PTPRD: variants seen among roughly 807,000 people sequenced by gnomAD.
PTPRD encodes the protein receptor-type tyrosine-protein phosphatase delta.
In PTPRD, 34 loss-of-function variants were observed where a neutral mutation model predicts 214.5. That is an observed-to-expected ratio of 0.16 (90% CI 0.12 to 0.21). PTPRD has a LOEUF of 0.21. Ranked by LOEUF, PTPRD falls within the 10% of genes least tolerant of loss-of-function variation. The probability of loss-of-function intolerance (pLI) is 1.00; values close to 1 mark genes in which losing one functional copy is unlikely to be tolerated. For synonymous variants in PTPRD, 1,128 were observed against 845.7 expected, an observed-to-expected ratio of 1.33 and a Z score of -5.79; for missense variants, 2,545 against 2,398.7, an observed-to-expected ratio of 1.06 and a Z score of -1.27.
intron 11 of PTPRD, among the ~76,000 whole-genome samples, chr9:8,961,210 C>T (rs939810827): frequency 5.9e-5 from 9 of 152,134 alleles, no homozygotes; most frequent in African/African-American, 1.2e-4. Context: ...TTTATGACTG[C>T]GAGCTTTCCA....
At chr9:9,871,438 C>A (rs1043304625) in intron 5 of PTPRD, among the ~76,000 whole-genome samples, 2 of 152,176 alleles carry the variant, frequency 1.3e-5, no homozygotes, top group African/African-American at 4.8e-5. Context: ...ACTGCAATAT[C>A]CTCTCTGGTT....
At chr9:9,348,362 T>A (rs1203099934) in intron 9 of PTPRD, among the ~76,000 whole-genome samples, 1 of 152,158 alleles carries the variant, frequency 6.6e-6, no homozygotes, top group African/African-American at 2.4e-5. Flanking sequence ...CTCCAACATT[T>A]ATTTTCAATA....
intron 11 of PTPRD, among the ~76,000 whole-genome samples, chr9:8,738,349 T>C (rs2091008762): frequency 6.6e-6 from 1 of 150,604 alleles, no homozygotes; most frequent in Non-Finnish European, 1.5e-5. Context: ...ATATGAATGT[T>C]GAAGGATTTG....
chr9:8,702,641 T>C (rs915500547), intron 12 of PTPRD, among the ~76,000 whole-genome samples: 2 of 152,102 alleles, frequency 1.3e-5, no homozygotes, highest in African/African-American at 2.4e-5. Context: ...TTAGACAGAG[T>C]CTTGCTATGT....
At chr9:10,467,878 G>A (rs1249956717) in intron 2 of PTPRD, among the ~76,000 whole-genome samples, 1 of 151,936 alleles carries the variant, frequency 6.6e-6, no homozygotes, top group Admixed American at 6.6e-5. Context: ...CATTTATTTG[G>A]CCAGCTAACA....
intron 11 of PTPRD, among the ~76,000 whole-genome samples, chr9:9,014,801 T>C (rs553733491): frequency 5.8e-4 from 88 of 152,186 alleles, no homozygotes; most frequent in Non-Finnish European, 1.1e-3. Flanking sequence ...GGGTAGATTA[T>C]ACATTGACAC....
intron 34 of PTPRD, among the ~76,000 whole-genome samples, chr9:8,441,166 C>T (rs191674172): frequency 3.3e-5 from 5 of 152,174 alleles, no homozygotes; most frequent in Admixed American, 2.6e-4. Context: ...AGCAGGTTTC[C>T]AGGGCTGGCT....
chr9:8,984,256 A>G (rs1028067283), intron 11 of PTPRD, among the ~76,000 whole-genome samples: 4 of 152,088 alleles, frequency 2.6e-5, no homozygotes, highest in Non-Finnish European at 5.9e-5. Context: ...AACATTTTAT[A>G]AATTTTTAGT....
chr9:8,905,752 A>T (rs2154255617), intron 11 of PTPRD, among the ~76,000 whole-genome samples: 1 of 151,924 alleles, frequency 6.6e-6, no homozygotes, highest in South Asian at 2.1e-4. Context: ...AAAAAAAAAA[A>T]AAATGGAGAG....
At chr9:8,545,264 T>A (rs2079732963) in intron 14 of PTPRD, among the ~76,000 whole-genome samples, 1 of 152,206 alleles carries the variant, frequency 6.6e-6, no homozygotes, top group East Asian at 1.9e-4. Context: ...TTGACAAAGA[T>A]AATATTGTTT....
chr9:8,978,503 T>G (rs985972945), intron 11 of PTPRD, among the ~76,000 whole-genome samples: 2 of 152,118 alleles, frequency 1.3e-5, no homozygotes, highest in African/African-American at 4.8e-5. Flanking sequence ...GGTGCCTCTA[T>G]GCAAAATTGA....
At chr9:10,501,333 T>C (rs1470880484) in intron 2 of PTPRD, among the ~76,000 whole-genome samples, 1 of 152,018 alleles carries the variant, frequency 6.6e-6, no homozygotes, top group African/African-American at 2.4e-5. Flanking sequence ...GCCATTTGTA[T>C]TTTTTAGTTT....
chr9:8,461,044 C>G (rs1443897448), intron 32 of PTPRD, among the ~76,000 whole-genome samples: 1 of 151,988 alleles, frequency 6.6e-6, no homozygotes, highest in African/African-American at 2.4e-5. Context: ...CAAAATAAGT[C>G]AGTATTTAAT....
rs868705581 is a variant in PTPRD, at chr9:9,809,946, C to T, written c.-367-43095G>A. Among the ~76,000 whole-genome samples, 7 of 152,078 alleles carry T rather than the reference C, an allele frequency of 4.6e-5. No individual in the cohort carries two copies. In the Middle Eastern group the frequency reaches 0.017, roughly 369 times the overall value. ...TAAATTCAATAACAGAGTTGAAGTA[C>T]ACTTGGCCCACATGGGTTTGAACTG... On this transcript the variant is annotated intron_variant, in intron 5 of 45. Transcript: ENST00000381196.
At chr9:8,990,649 ATAT>A (rs1051142085) in intron 11 of PTPRD, among the ~76,000 whole-genome samples, 1 of 152,120 alleles carries the variant, frequency 6.6e-6, no homozygotes, top group African/African-American at 2.4e-5. Flanking sequence ...AAAACTAAAA[ATAT>A]TATTCTCGCC....
intron 5 of PTPRD, among the ~76,000 whole-genome samples, chr9:9,928,757 TACACACACAC>T (rs60820386): frequency 2.0e-5 from 3 of 147,226 alleles, no homozygotes; most frequent in East Asian, 2.0e-4. Context: ...TCTCTCTCTA[TACACACACAC>T]ACACACACAC....
chr9:9,253,914 C>T (rs967268747), intron 9 of PTPRD, among the ~76,000 whole-genome samples: 2 of 152,064 alleles, frequency 1.3e-5, no homozygotes, highest in African/African-American at 4.8e-5. Flanking sequence ...GGAGAGTTTG[C>T]TCTGTGCCTA....
At chr9:9,375,290 G>A (rs916414869) in intron 9 of PTPRD, among the ~76,000 whole-genome samples, 1 of 152,100 alleles carries the variant, frequency 6.6e-6, no homozygotes, top group Admixed American at 6.6e-5. Flanking sequence ...AACAAAATAT[G>A]ATTCTGCCTT....
intron 9 of PTPRD, among the ~76,000 whole-genome samples, chr9:9,300,845 C>T (rs4742581): frequency 0.72 from 108,916 of 151,716 alleles, 39,394 homozygotes; most frequent in African/African-American, 0.78. Flanking sequence ...TACAGTAACT[C>T]TGCTCATTGA....
Sources: gnomAD v4.1 joint callset for allele counts (sites outside exome capture counted in the v4.1 genomes callset) on GRCh38, gnomAD v4.1.1 for gene constraint, MANE v1.5 for transcripts, NCBI Gene and HGNC (gene_info 2026-07-23, HGNC 2026-07-21) for gene names.